STK33: variants seen among roughly 807,000 people sequenced by gnomAD.
The protein encoded by STK33 is serine/threonine kinase 33.
STK33 carries 52 observed loss-of-function variants against 58.0 expected under a neutral mutation model. The ratio of observed to expected loss-of-function variants is 0.90; its 90% CI spans 0.72 to 1.13. The LOEUF (loss-of-function observed/expected upper bound fraction) is 1.13, where lower values mean the gene tolerates loss of function less well. Among genes scored for constraint, STK33 ranks in the 50% most tolerant of loss-of-function variants. The pLI, the probability that STK33 is intolerant of heterozygous loss-of-function variation, is 0.00. For missense variants in STK33, 630 were observed against 604.2 expected (o/e 1.04, Z -0.45); for synonymous variants, 215 against 200.1 (o/e 1.07, Z -0.63).
At chr11:8,338,728 C>T in the STK33 span, among the ~76,000 whole-genome samples, 72 of 152,260 alleles carry the variant, frequency 4.7e-4, no homozygotes, top group Admixed American at 7.8e-4. Context: ...CCATCTGCAA[C>T]GTGGAAAAGG....
intron 1 of STK33, among the ~76,000 whole-genome samples, chr11:8,570,137 T>A (rs1247073565): frequency 2.0e-5 from 3 of 152,154 alleles, no homozygotes; most frequent in African/African-American, 7.2e-5. Context: ...AAAGGATATA[T>A]GAGTGTTCAA....
intron 14 of STK33, among the ~76,000 whole-genome samples, chr11:8,415,857 G>C (rs1339760826): frequency 6.6e-6 from 1 of 152,078 alleles, no homozygotes; most frequent in African/African-American, 2.4e-5. Context: ...CTGAATTTCA[G>C]TTATAATTTA....
intron 1 of STK33, among the ~76,000 whole-genome samples, chr11:8,539,609 G>T (rs1330804225): frequency 1.3e-5 from 2 of 152,136 alleles, no homozygotes; most frequent in African/African-American, 2.4e-5. Context: ...CAACCCAATA[G>T]TTTCGGATTG....
chr11:8,557,225 T>C (rs1224847323), intron 1 of STK33, among the ~76,000 whole-genome samples: 1 of 89,322 alleles, frequency 1.1e-5, no homozygotes, highest in Non-Finnish European at 2.0e-5. Flanking sequence ...CACTCCACCG[T>C]AGGCAACAGA....
intron 1 of STK33, among the ~76,000 whole-genome samples, chr11:8,562,616 T>C (rs1487545973): frequency 2.0e-5 from 3 of 152,202 alleles, no homozygotes; most frequent in Non-Finnish European, 4.4e-5. Flanking sequence ...TTCACAGATT[T>C]TTTTTTTGTT....
intron 1 of STK33, among the ~76,000 whole-genome samples, chr11:8,498,880 T>C (rs974183726): frequency 2.6e-5 from 4 of 152,236 alleles, no homozygotes; most frequent in Admixed American, 1.3e-4. Flanking sequence ...GCTAGCCATA[T>C]GCAGAAAACT....
intron 1 of STK33, among the ~76,000 whole-genome samples, chr11:8,555,546 T>A (rs984704109): frequency 5.3e-5 from 8 of 151,952 alleles, no homozygotes; most frequent in African/African-American, 1.7e-4. Context: ...GCGCCTGTAA[T>A]CCCAGTTACT....
intron 11 of STK33, among the ~76,000 whole-genome samples, chr11:8,449,149 A>G (rs557677034): frequency 7.2e-5 from 11 of 151,730 alleles, no homozygotes; most frequent in East Asian, 3.9e-4. Flanking sequence ...GCTGGAGAGG[A>G]TGTGGAGAAA....
intron 1 of STK33, among the ~76,000 whole-genome samples, chr11:8,537,744 A>T (rs1955152917): frequency 6.6e-6 from 1 of 150,544 alleles, no homozygotes; most frequent in Non-Finnish European, 1.5e-5. Context: ...AGGGAGGTGG[A>T]GGTTGCAGTG....
At chr11:8,497,519 G>C (rs527804182) in intron 1 of STK33, among the ~76,000 whole-genome samples, 3 of 152,126 alleles carry the variant, frequency 2.0e-5, no homozygotes, top group Admixed American at 6.6e-5. Context: ...ACCCAGGCTG[G>C]AGTGTAGTAG....
intron 14 of STK33, among the ~76,000 whole-genome samples, chr11:8,431,388 A>G (rs936332354): frequency 6.6e-6 from 1 of 152,184 alleles, no homozygotes; most frequent in African/African-American, 2.4e-5. Flanking sequence ...CTAAAGGTCA[A>G]AAGCCAATGA....
the STK33 span, among the ~76,000 whole-genome samples, chr11:8,340,269 T>G: frequency 6.6e-6 from 1 of 152,170 alleles, no homozygotes; most frequent in African/African-American, 2.4e-5. Flanking sequence ...CTAGTACAAC[T>G]CAATGCCCCC....
the STK33 span, among the ~76,000 whole-genome samples, chr11:8,365,698 G>T: frequency 2.0e-5 from 3 of 151,944 alleles, no homozygotes; most frequent in African/African-American, 7.3e-5. Context: ...CCTTTCCCAC[G>T]TTTCTCTCCT....
At chr11:8,447,101 G>A (rs1025498782) in intron 11 of STK33, among the ~76,000 whole-genome samples, 2 of 151,902 alleles carry the variant, frequency 1.3e-5, no homozygotes, top group East Asian at 3.9e-4. Flanking sequence ...GAATTTACAG[G>A]GAACTTAAAC....
chr11:8,472,001 C>G (rs1948822874), intron 6 of STK33, among the ~76,000 whole-genome samples: 1 of 152,172 alleles, frequency 6.6e-6, no homozygotes, highest in African/African-American at 2.4e-5. Context: ...TCATAGCTCA[C>G]TGCAGCCTCA....
chr11:8,382,498 C>T, the STK33 span, among the ~76,000 whole-genome samples: 1 of 152,224 alleles, frequency 6.6e-6, no homozygotes, highest in Non-Finnish European at 1.5e-5. Flanking sequence ...CTGCAAAAGA[C>T]TCAGATTCCT....
At chr11:8,356,922 C>T in the STK33 span, among the ~76,000 whole-genome samples, 1 of 152,158 alleles carries the variant, frequency 6.6e-6, no homozygotes, top group Non-Finnish European at 1.5e-5. Flanking sequence ...GGAGCCTGAC[C>T]CCAAGTTGGC....
At chr11:8,542,070 A>AT (rs779057468) in intron 1 of STK33, among the ~76,000 whole-genome samples, 1 of 152,232 alleles carries the variant, frequency 6.6e-6, no homozygotes, top group Non-Finnish European at 1.5e-5. Flanking sequence ...AGGAGGAAAA[A>AT]TAAGCGTTAG....
chr11:8,422,270 T>A (rs1247567140), intron 14 of STK33, among the ~76,000 whole-genome samples: 1 of 152,158 alleles, frequency 6.6e-6, no homozygotes, highest in Non-Finnish European at 1.5e-5. Flanking sequence ...TACTTACAGA[T>A]TCTGAAATTA....
Sources: allele counts gnomAD v4.1 joint callset (sites outside exome capture counted in the v4.1 genomes callset), GRCh38; gene constraint gnomAD v4.1.1; transcripts MANE v1.5; gene names NCBI Gene and HGNC (gene_info 2026-07-23, HGNC 2026-07-21).